JAG1: variants seen among roughly 807,000 people sequenced by gnomAD.
The protein encoded by JAG1 is jagged canonical Notch ligand 1, also known as protein jagged-1.
JAG1 carries 23 observed loss-of-function variants against 148.7 expected under a neutral mutation model. The ratio of observed to expected loss-of-function variants is 0.15; its 90% confidence interval spans 0.11 to 0.22. The LOEUF is 0.22. JAG1 is among the 10% of genes least tolerant of loss of function. The probability of loss-of-function intolerance (pLI) is 1.00; values close to 1 mark genes in which losing one functional copy is unlikely to be tolerated. For synonymous variants in JAG1, 572 were observed against 598.3 expected (o/e 0.96, Z 0.64); for missense variants, 1,054 against 1,611.2 (o/e 0.65, Z 5.92).
intron 21 of JAG1, 40 bp downstream of exon 21, chr20:10,642,448 C>T (rs772354456): frequency 8.2e-7 from 1 of 1,225,552 alleles, no homozygotes; most frequent in Admixed American, 1.7e-5. Context: ...GCTCGCTCAC[C>T]CCAGAAGACC....
Position 10,651,601 on chromosome 20 carries a change from G to A in JAG1, c.1100C>T (p.Thr367Ile). 6.2e-7 allele frequency: 1 copy of A among 1,613,024 alleles called. No homozygotes were observed. The change falls in exon 8 of 26, where the codon ACC becomes ATC. Residue 367 changes from threonine to isoleucine, a missense_variant. By Grantham distance (89) the Thr-to-Ile change is moderately conservative. Transcript: ENST00000254958. ...GFECECSPGW[T>I]GPTCSTNIDD... ...CTTACTTGTAGAGCATGTGGGGCCGGTCCAGCCTGGGGAACACTCACACTC... is the reference window on the plus strand; with the variant it reads ...CTTACTTGTAGAGCATGTGGGGCCGATCCAGCCTGGGGAACACTCACACTC...
rs1413412075 is a variant in JAG1, at chr20:10,658,831, G to A, written c.440-109C>T. On this transcript the variant is annotated intron_variant, in intron 3 of 25. Coordinates refer to ENST00000254958, the MANE Select transcript of JAG1 (RefSeq NM_000214.3). ...ATGCACCTGCTACAAAATTCTATCTGTTGTAAAAAAGGCAAAGAAATGAAA... is the reference window on the plus strand; with the variant it reads ...ATGCACCTGCTACAAAATTCTATCTATTGTAAAAAAGGCAAAGAAATGAAA... The A allele has an allele frequency of 1.9e-5, 24 of 1,260,724 alleles. No homozygotes were observed. The East Asian group carries it at 5.3e-4, about 28-fold the overall frequency. The allele number at this position is 1,260,724 out of a possible 1,614,324, so 78.1% of individuals were successfully genotyped here.
intron 3 of JAG1, among the ~76,000 whole-genome samples, chr20:10,663,282 AC>A (rs2067429882): frequency 6.6e-6 from 1 of 152,214 alleles, no homozygotes; most frequent in South Asian, 2.1e-4. Flanking sequence ...GAGCGAAAAC[AC>A]TGTAAAGTTA....
At chr20:10,640,980 C>T in intron 24 of JAG1, 47 bp from the exon 25 acceptor site, 1 of 1,612,722 alleles carries the variant, frequency 6.2e-7, no homozygotes, top group Non-Finnish European at 8.5e-7. Context: ...ATACTCAAAG[C>T]AGCCTTTCTT....
At chr20:10,642,883 G>C (rs565488514) in intron 20 of JAG1, among the ~76,000 whole-genome samples, 31 of 152,304 alleles carry the variant, frequency 2.0e-4, no homozygotes, top group Non-Finnish European at 4.3e-4. Context: ...AGCAAGCCTG[G>C]CAAAGTTTCC....
chr20:10,653,654 C>T (rs896115546), intron 5 of JAG1, among the ~76,000 whole-genome samples: 2 of 151,970 alleles, frequency 1.3e-5, no homozygotes, highest in Non-Finnish European at 2.9e-5. Context: ...AAGCCACGAT[C>T]AGCGCCAACC....
chr20:10,641,370 G>A, intron 23 of JAG1, 90 bp downstream of exon 23: 2 of 1,500,850 alleles, frequency 1.3e-6, no homozygotes, highest in Non-Finnish European at 1.8e-6. Flanking sequence ...GTAAGCTAGG[G>A]AGAAGTAGAT....
chr20:10,645,180 C>T lies in JAG1; in HGVS notation c.2190G>A (p.Met730Ile). The T allele has an allele frequency of 1.2e-6, 2 of 1,614,128 alleles. No homozygotes were observed. Among genetic ancestry groups the T allele is most frequent in the East Asian group, 2.2e-5 (1 of 44,884 alleles). ...CYDEGDAFKC[M>I]CPGGWEGTTC... ...TTGTTCCTTCCCAGCCGCCAGGACA[C>T]ATGCACTTAAAAGCATCCCCCTCAT... The change falls in exon 17 of 26, where the codon ATG becomes ATA. Residue 730 changes from methionine (M) to isoleucine (I), a missense_variant. This residue lies in a region of JAG1 where 342 missense variants were observed against 514.6 expected (regional missense o/e 0.66). Transcript: ENST00000254958. This position sits in a 1 kb window ranked among gnomAD's most constrained non-coding sequence, Gnocchi z 6.1.
Position 10,645,311 on chromosome 20 carries a change from A to C in JAG1, c.2113+45T>G, listed in dbSNP as rs532938633. 6.3e-7 allele frequency: 1 copy of C among 1,599,892 alleles called. No individual in the cohort carries two copies. Among genetic ancestry groups the C allele is most frequent in the Non-Finnish European group, 8.6e-7 (1 of 1,166,974 alleles). On this transcript the variant is annotated intron_variant, in intron 16 of 25. Coordinates refer to ENST00000254958, the MANE Select transcript of JAG1 (RefSeq NM_000214.3). The surrounding 1 kb of genome is among the most constrained non-coding windows in gnomAD (Gnocchi z 6.1). ...AGTGGCCCCCTCCCACAGAAGACAG[A>C]GGGAAGGGTCCCAGAGATAGCATCC...
chr20:10,645,225 G>T lies in JAG1; in HGVS notation c.2145C>A (p.Asn715Lys), dbSNP rs2067300016. ...CCTCATCATAGCAGGTGCCACCGTTGTTGCACGTGGCCTCATCACACTGAC... is the reference window on the plus strand; with the variant it reads ...CCTCATCATAGCAGGTGCCACCGTTTTTGCACGTGGCCTCATCACACTGAC... ...RDSQCDEATC[N>K]NGGTCYDEGD... The change falls in exon 17 of 26, where the codon AAC becomes AAA. Residue 715 changes from asparagine (N) to lysine (K), a missense_variant. Physicochemically the swap from Asn to Lys is moderately conservative, Grantham distance 94. Transcript: ENST00000254958. The surrounding 1 kb of genome is among the most constrained non-coding windows in gnomAD (Gnocchi z 6.1). 1 of 1,613,894 alleles carries T rather than the reference G, an allele frequency of 6.2e-7. No individual in the cohort carries two copies. Among genetic ancestry groups the T allele is most frequent in the African/African-American group, 1.3e-5 (1 of 74,908 alleles).
intron 2 of JAG1, 91 bp downstream of exon 2, chr20:10,672,610 G>T: frequency 7.6e-7 from 1 of 1,311,602 alleles, no homozygotes; most frequent in Non-Finnish European, 1.1e-6. Context: ...TCAAGCCAAA[G>T]CCCTTTAAAT....
At chr20:10,642,451 A>G (rs773626636) in intron 21 of JAG1, 37 bp downstream of exon 21, 7 of 1,258,186 alleles carry the variant, frequency 5.6e-6, no homozygotes, top group Non-Finnish European at 7.0e-6. Context: ...CGCTCACCCC[A>G]GAAGACCCAT....
Position 10,658,713 on chromosome 20 carries a change from C to T in JAG1, c.449G>A (p.Ser150Asn). ...CGAGTGAGAAGCCTTTTCAATAATACTGTCAGGTTCTAGAGACAAAGTGAT... is the reference window on the plus strand; with the variant it reads ...CGAGTGAGAAGCCTTTTCAATAATATTGTCAGGTTCTAGAGACAAAGTGAT... ...DSSNDTVQPD[S>N]IIEKASHSGM... is the part of the protein sequence containing the mutation. The change falls in exon 4 of 26, where the codon AGT becomes AAT. Residue 150 changes from serine (S) to asparagine (N), a missense_variant. Around this residue, in one of 6 missense-constraint regions of JAG1, gnomAD observed 151 missense variants for 211.1 expected, o/e 0.72. Transcript: ENST00000254958. 3 of 1,614,204 alleles carry T rather than the reference C, an allele frequency of 1.9e-6. No homozygotes were observed. Among genetic ancestry groups the T allele is most frequent in the Non-Finnish European group, 2.5e-6 (3 of 1,180,006 alleles).
chr20:10,654,828 C>T (rs1425927972), intron 5 of JAG1, among the ~76,000 whole-genome samples: 1 of 152,178 alleles, frequency 6.6e-6, no homozygotes, highest in Non-Finnish European at 1.5e-5. Context: ...GTTGTTCTGG[C>T]TGGGAGGGCC....
rs1391343029 is a variant in JAG1 at position 10,645,376 on chromosome 20, T to C, written c.2093A>G (p.Lys698Arg). The change falls in exon 16 of 26, where the codon AAA becomes AGA. Residue 698 changes from lysine (K) to arginine (R), a missense_variant. Physicochemically the swap from Lys to Arg is conservative, Grantham distance 26. This residue lies in a region of JAG1 where 342 missense variants were observed against 514.6 expected (regional missense o/e 0.66). Coordinates refer to ENST00000254958, the MANE Select transcript of JAG1 (RefSeq NM_000214.3). This position sits in a 1 kb window ranked among gnomAD's most constrained non-coding sequence, Gnocchi z 6.1. ...CTTACGTGAGTGGCAGGTCTTTCCT[T>C]TCCACCCATTTTTACAGTCACAGTA... ...DFYCDCKNGW[K>R]GKTCHSRDSQ... The C allele has an allele frequency of 6.2e-7, 1 of 1,612,828 alleles. No homozygotes were observed. Among genetic ancestry groups the C allele is most frequent in the Admixed American group, 1.7e-5 (1 of 59,950 alleles).
chr20:10,672,199 C>A (rs2067501121), intron 2 of JAG1, among the ~76,000 whole-genome samples: 1 of 152,096 alleles, frequency 6.6e-6, no homozygotes, highest in Admixed American at 6.5e-5. Context: ...CGGGGAGCAG[C>A]GGGAAACGGA....
rs182928694 is a variant in JAG1, at chr20:10,663,549, G to T, written c.439+414C>A. Among the ~76,000 whole-genome samples, 8 of 152,264 alleles carry T rather than the reference G, an allele frequency of 5.3e-5. No homozygotes were observed. In the East Asian group the frequency reaches 1.2e-3, roughly 22 times the overall value. ...TGCCCACCAAGTGAAATTCAAGGTC[G>T]GTCTCTAGAGCCCAGCACCACCTTT... On this transcript the variant is annotated intron_variant, in intron 3 of 25. Coordinates refer to ENST00000254958, the MANE Select transcript of JAG1 (RefSeq NM_000214.3).
Position 10,643,848 on chromosome 20 carries a change from G to A in JAG1, c.2388C>T (p.Thr796=). ...CSPHPCYNSG[T]CVDGDNWYRC... is the part of the protein sequence containing the mutation. ...GGTACCAGTTGTCTCCATCCACACA[G>A]GTGCCGCTGTTGTAACTAAGAAAGC... The change falls in exon 20 of 26, where the codon ACC becomes ACT. Residue 796 remains threonine (T), a synonymous_variant. Coordinates refer to ENST00000254958, the MANE Select transcript of JAG1 (RefSeq NM_000214.3). 1 of 1,614,032 alleles carries A rather than the reference G, an allele frequency of 6.2e-7. No individual in the cohort carries two copies. Among genetic ancestry groups the A allele is most frequent in the Non-Finnish European group, 8.5e-7 (1 of 1,179,976 alleles).
intron 2 of JAG1, among the ~76,000 whole-genome samples, chr20:10,670,947 G>A (rs541913445): frequency 6.6e-6 from 1 of 152,304 alleles, no homozygotes; most frequent in South Asian, 2.1e-4. Context: ...ACTTTTCTAG[G>A]TCACTTTTCC....
Sources: allele counts gnomAD v4.1 joint callset (sites outside exome capture counted in the v4.1 genomes callset), GRCh38; gene constraint gnomAD v4.1.1; regional missense constraint gnomAD v4.1.1; non-coding constraint Gnocchi (gnomAD v3.1); transcripts MANE v1.5; gene names NCBI Gene and HGNC (gene_info 2026-07-23, HGNC 2026-07-21).